TRAF2: variants seen among roughly 807,000 people sequenced by gnomAD.
The protein encoded by TRAF2 is TNF receptor associated factor 2.
Under a neutral mutation model 55.6 loss-of-function variants are expected in TRAF2, and 6 were observed. The observed-to-expected ratio is 0.11, with a 90% CI of 0.06 to 0.21. TRAF2 has a LOEUF of 0.21. Among genes scored for constraint, TRAF2 ranks in the 10% least tolerant of loss-of-function variants. TRAF2 has a pLI of 1.00. For missense variants in TRAF2, 561 were observed against 684.5 expected (o/e 0.82, Z 2.01); for synonymous variants, 329 against 276.3 (o/e 1.19, Z -1.89).
At chr9:136,907,708 G>A (rs1369962197) in intron 4 of TRAF2, among the ~76,000 whole-genome samples, 2 of 152,162 alleles carry the variant, frequency 1.3e-5, no homozygotes, top group East Asian at 1.9e-4. Context: ...CTGCTTTCTC[G>A]GTTAGGAGCT....
intron 1 of TRAF2, 148 bp downstream of exon 1, chr9:136,886,689 G>T: frequency 2.4e-6 from 1 of 422,126 alleles, no homozygotes; most frequent in South Asian, 9.2e-5. Context: ...CCGCGGGGCG[G>T]GGGCGGGGCC....
chr9:136,900,959 TTG>T (rs1370381208), intron 4 of TRAF2, among the ~76,000 whole-genome samples: 5 of 152,234 alleles, frequency 3.3e-5, no homozygotes, highest in African/African-American at 7.2e-5. Context: ...GGGGTTTTTG[TTG>T]TGTCTCTTGT....
At chr9:136,899,028 CT>C in intron 2 of TRAF2, 100 bp downstream of exon 2, 2 of 1,169,224 alleles carry the variant, frequency 1.7e-6, no homozygotes, top group Non-Finnish European at 2.4e-6. Context: ...CCGGGTCCAG[CT>C]TAGATGTGCT....
At chr9:136,915,603 C>T (rs577510083) in intron 6 of TRAF2, among the ~76,000 whole-genome samples, 1 of 152,128 alleles carries the variant, frequency 6.6e-6, no homozygotes, top group Admixed American at 6.5e-5. Flanking sequence ...TGCAAACACT[C>T]TGCCATCTTC....
intron 7 of TRAF2, among the ~76,000 whole-genome samples, chr9:136,917,582 C>T (rs892503392): frequency 8.5e-5 from 13 of 152,342 alleles, no homozygotes; most frequent in Admixed American, 2.0e-4. Context: ...AGGGGCAGGC[C>T]GTGGGTGCAG....
intron 4 of TRAF2, among the ~76,000 whole-genome samples, chr9:136,907,625 A>G (rs536859521): frequency 5.3e-5 from 8 of 151,754 alleles, no homozygotes; most frequent in Middle Eastern, 6.8e-3. Context: ...TCCCACCTGC[A>G]ATGAGGATGG....
At position 136,898,904 on chromosome 9, in the gene TRAF2, C is replaced by A; in HGVS notation, c.164C>A (p.Ser55Tyr). The part of the protein sequence containing the change: ...FQAQCGHRYC[S>Y]FCLASILSSG... ...GCGCAGTGTGGCCACCGGTACTGCT[C>A]CTTCTGCCTGGCCAGCATCCTCAGG... is the stretch of plus-strand genomic sequence containing the variant. The change falls in exon 2 of 11, where the codon TCC (serine) becomes TAC (tyrosine). Residue 55 changes from serine to tyrosine, a missense_variant. Transcript: ENST00000247668. The A allele has an allele frequency of 6.2e-7, 1 of 1,610,708 alleles. No homozygotes were observed. The highest frequency in any genetic ancestry group is 2.2e-5 in the East Asian group (1 of 44,762).
At chr9:136,907,425 C>T (rs1243914380) in intron 4 of TRAF2, among the ~76,000 whole-genome samples, 1 of 152,232 alleles carries the variant, frequency 6.6e-6, no homozygotes, top group South Asian at 2.1e-4. Flanking sequence ...TCCTGTGTGT[C>T]ACTGGCCCTC....
chr9:136,898,568 T>TA, intron 1 of TRAF2, 145 bp from the exon 2 acceptor site: 1 of 1,447,692 alleles, frequency 6.9e-7, no homozygotes, highest in Non-Finnish European at 9.1e-7. Flanking sequence ...CCTGAAGCTC[T>TA]GCGATTCTGC....
intron 4 of TRAF2, among the ~76,000 whole-genome samples, chr9:136,907,668 G>A (rs556201417): frequency 5.9e-5 from 9 of 152,258 alleles, no homozygotes; most frequent in African/African-American, 1.9e-4. Flanking sequence ...CCTGGACCGC[G>A]TTGGGCTTGG....
At chr9:136,898,566 T>C in intron 1 of TRAF2, 147 bp from the exon 2 acceptor site, 1 of 1,445,196 alleles carries the variant, frequency 6.9e-7, no homozygotes, top group South Asian at 1.4e-5. Context: ...TCCCTGAAGC[T>C]CTGCGATTCT....
chr9:136,907,947 G>A (rs569949893), intron 4 of TRAF2, 123 bp from the exon 5 acceptor site: 4 of 1,253,004 alleles, frequency 3.2e-6, no homozygotes, highest in East Asian at 2.3e-5. Flanking sequence ...TGCAGAGGGC[G>A]GCCCCCAGGA....
chr9:136,924,057 T>C, intron 10 of TRAF2, 57 bp downstream of exon 10: 2 of 1,592,864 alleles, frequency 1.3e-6, no homozygotes, highest in South Asian at 2.2e-5. Context: ...CTCTGGGCAG[T>C]GCAGCTTCTG....
intron 4 of TRAF2, among the ~76,000 whole-genome samples, chr9:136,907,432 C>T (rs1206217331): frequency 1.3e-5 from 2 of 152,322 alleles, no homozygotes; most frequent in African/African-American, 4.8e-5. Context: ...TGTCACTGGC[C>T]CTCGCCTGTC....
intron 7 of TRAF2, among the ~76,000 whole-genome samples, chr9:136,918,255 ATATTTATTTAAT>A (rs1451757115): frequency 2.2e-3 from 51 of 23,358 alleles, no homozygotes; most frequent in African/African-American, 7.1e-3. Context: ...ATATATATAT[ATATTTATTTAAT>A]TAATTAATTT....
chr9:136,917,105 T>TC (rs1387865991), intron 7 of TRAF2, among the ~76,000 whole-genome samples: 1 of 151,954 alleles, frequency 6.6e-6, no homozygotes, highest in African/African-American at 2.4e-5. Flanking sequence ...CCTCAAATGG[T>TC]CCCCCCAGCC....
chr9:136,914,320 C>G lies in TRAF2; in HGVS notation c.604-2221C>G, dbSNP rs530873683. ...ACCCTACCTGGGCGATCGCACCCCC[C>G]ATTCCCAGCATGCTGCGCACATGCC... On this transcript the variant is annotated intron_variant, in intron 6 of 10. Transcript: ENST00000247668. Among the ~76,000 whole-genome samples the G allele has an allele frequency of 8.5e-5, 13 of 152,330 alleles. 2 individuals are homozygous for G. In the South Asian group the frequency reaches 2.7e-3, roughly 32 times the overall value.
intron 1 of TRAF2, chr9:136,889,732 T>TTTCC (rs1188506630): frequency 6.6e-6 from 1 of 152,300 alleles, no homozygotes; most frequent in Admixed American, 6.5e-5. Context: ...TAGCTGGGAT[T>TTTCC]ACAGGTGCAA....
At chr9:136,900,277 A>G in intron 3 of TRAF2, 145 bp from the exon 4 acceptor site, 3 of 546,894 alleles carry the variant, frequency 5.5e-6, no homozygotes, top group East Asian at 6.2e-5. Context: ...ATAAAAAGGA[A>G]TCAGAGAGTC....
Sources: allele counts gnomAD v4.1 joint callset (sites outside exome capture counted in the v4.1 genomes callset), GRCh38; gene constraint gnomAD v4.1.1; transcripts MANE v1.5; gene names NCBI Gene and HGNC (gene_info 2026-07-23, HGNC 2026-07-21).